KIAA1549L: variants seen among roughly 807,000 people sequenced by gnomAD.
The protein encoded by KIAA1549L is KIAA1549 like.
In KIAA1549L, 88 loss-of-function variants were observed where a neutral mutation model predicts 160.7. The ratio of observed to expected loss-of-function variants is 0.55; its 90% CI spans 0.46 to 0.65. KIAA1549L has a LOEUF of 0.65. Among genes scored for constraint, KIAA1549L ranks in the 30% least tolerant of loss-of-function variants. KIAA1549L has a pLI of 0.00. For missense variants in KIAA1549L, 2,258 were observed against 2,437.5 expected (o/e 0.93, Z 1.55); for synonymous variants, 950 against 976.7 (o/e 0.97, Z 0.51).
chr11:33,448,833 T>C (rs1851666720), intron 1 of KIAA1549L, among the ~76,000 whole-genome samples: 1 of 152,186 alleles, frequency 6.6e-6, no homozygotes, highest in Non-Finnish European at 1.5e-5. Context: ...AATCTGAAAG[T>C]ATGAACACAG....
chr11:33,502,417 G>A lies in KIAA1549L; in HGVS notation c.239-39385G>A, dbSNP rs558655635. On this transcript the variant is annotated intron_variant, in intron 1 of 20. Transcript: ENST00000658780. Reference sequence around the variant, plus strand: ...TATTTTTCCTCTGTGGAAAAGAAACGTGGTGATATTTGAACTGGCTTCTCC... The same window carrying A: ...TATTTTTCCTCTGTGGAAAAGAAACATGGTGATATTTGAACTGGCTTCTCC... Among the ~76,000 whole-genome samples the A allele has an allele frequency of 7.9e-5, 12 of 152,310 alleles. No homozygotes were observed. In the East Asian group the frequency reaches 9.7e-4, roughly 12 times the overall value.
At chr11:33,427,924 C>T (rs1231800263) in intron 1 of KIAA1549L, among the ~76,000 whole-genome samples, 1 of 152,194 alleles carries the variant, frequency 6.6e-6, no homozygotes, top group Non-Finnish European at 1.5e-5. Flanking sequence ...AAGGTTCATC[C>T]ATGTTGTAGC....
At chr11:33,612,153 A>T (rs1359803126) in intron 15 of KIAA1549L, among the ~76,000 whole-genome samples, 2 of 152,262 alleles carry the variant, frequency 1.3e-5, no homozygotes, top group Non-Finnish European at 2.9e-5. Context: ...AGAGAGGATC[A>T]GCCAGAGATG....
chr11:33,435,798 A>ATATATATGTGTGTG (rs1565135875), intron 1 of KIAA1549L, among the ~76,000 whole-genome samples: 4 of 7,622 alleles, frequency 5.2e-4, no homozygotes, highest in Non-Finnish European at 8.1e-4. Context: ...ATATATATAT[A>ATATATATGTGTGTG]TATATATATA....
At chr11:33,431,246 C>T (rs1043057297) in intron 1 of KIAA1549L, among the ~76,000 whole-genome samples, 5 of 152,080 alleles carry the variant, frequency 3.3e-5, no homozygotes, top group Non-Finnish European at 7.4e-5. Flanking sequence ...TTGCAAAGAG[C>T]GAAAGAGCAA....
chr11:33,413,256 A>ATT lies in KIAA1549L; in HGVS notation c.238+36381_238+36382dup, dbSNP rs35296412. ...ACTTCCCAAACTTATTTGAACACAG[A>ATT]TTTTTTTTTTTTTTTAAATCAAGAA... On this transcript the variant is annotated intron_variant, in intron 1 of 20. Coordinates refer to ENST00000658780, the MANE Select transcript of KIAA1549L (RefSeq NM_012194.3). Among the ~76,000 whole-genome samples, 648 of 145,154 alleles carry ATT rather than the reference A, an allele frequency of 4.5e-3. 4 individuals are homozygous for ATT. The highest frequency in any genetic ancestry group is 0.013 in the African/African-American group (523 of 39,366).
chr11:33,520,416 A>G (rs1853453873), intron 1 of KIAA1549L, among the ~76,000 whole-genome samples: 1 of 151,932 alleles, frequency 6.6e-6, no homozygotes, highest in Admixed American at 6.6e-5. Flanking sequence ...TATTTCACTT[A>G]ACATAATGCC....
chr11:33,460,726 A>G (rs1195472261), intron 1 of KIAA1549L, among the ~76,000 whole-genome samples: 1 of 152,114 alleles, frequency 6.6e-6, no homozygotes, highest in Non-Finnish European at 1.5e-5. Context: ...TCCTTTACCT[A>G]TGTGCTTCTG....
intron 1 of KIAA1549L, among the ~76,000 whole-genome samples, chr11:33,521,120 A>G (rs1268835927): frequency 1.3e-5 from 2 of 152,160 alleles, no homozygotes; most frequent in East Asian, 3.9e-4. Context: ...GCAGTGAACT[A>G]TGATCTCGCC....
chr11:33,603,545 G>A (rs145474199), intron 13 of KIAA1549L, among the ~76,000 whole-genome samples: 69 of 152,290 alleles, frequency 4.5e-4, no homozygotes, highest in African/African-American at 1.4e-3. Context: ...GATGGCTCAC[G>A]CCTGTAATCC....
At chr11:33,596,744 A>G (rs1308932371) in intron 12 of KIAA1549L, among the ~76,000 whole-genome samples, 2 of 152,228 alleles carry the variant, frequency 1.3e-5, no homozygotes, top group African/African-American at 4.8e-5. Context: ...CAAAAACTCA[A>G]TCAGTCATTC....
intron 1 of KIAA1549L, among the ~76,000 whole-genome samples, chr11:33,497,071 C>T (rs1024939284): frequency 6.6e-5 from 10 of 152,092 alleles, no homozygotes; most frequent in African/African-American, 1.9e-4. Context: ...GTCACCTCTT[C>T]GAGAAGCCTT....
chr11:33,525,695 C>A (rs1317737245), intron 1 of KIAA1549L, among the ~76,000 whole-genome samples: 1 of 152,032 alleles, frequency 6.6e-6, no homozygotes, highest in African/African-American at 2.4e-5. Context: ...CACTTGCTTT[C>A]TTGGTGGAGA....
Position 33,541,866 on chromosome 11 carries a change from A to C in KIAA1549L, c.303A>C (p.Leu101Phe), listed in dbSNP as rs1230881355. ...AGTCATTTCCTCCCGGGAAATTGTTACCAATTTCACCAACATGGCCTTTCA... is the reference window on the plus strand; with the variant it reads ...AGTCATTTCCTCCCGGGAAATTGTTCCCAATTTCACCAACATGGCCTTTCA... ...TPESFPPGKL[L>F]PISPTWPFTE... Residue 101 changes from leucine to phenylalanine, a missense_variant, in exon 2 of 21, where the codon TTA becomes TTC. Physicochemically the swap from Leu to Phe is conservative, Grantham distance 22. Transcript: ENST00000658780. 4 of 266,008 alleles carry C rather than the reference A, an allele frequency of 1.5e-5. No individual in the cohort carries two copies. The highest frequency in any genetic ancestry group is 1.3e-4 in the Admixed American group (3 of 23,436). 16.5% of individuals were successfully genotyped at this position (266,008 alleles called of 1,614,324 possible).
chr11:33,379,666 A>G (rs1332959701), intron 1 of KIAA1549L, among the ~76,000 whole-genome samples: 1 of 152,174 alleles, frequency 6.6e-6, no homozygotes. Context: ...ACGGGCAGCT[A>G]CTCAATGTGA....
Position 33,645,988 on chromosome 11 carries a change from G to T in KIAA1549L, c.5712G>T (p.Trp1904Cys). ...TMTRPRAGVQWVPTYRPEMYQ... is the reference protein window; with the variant it reads ...TMTRPRAGVQCVPTYRPEMYQ... ...CGCGGCCCAGGGCCGGGGTGCAGTG[G>T]GTGCCGACCTACCGCCCAGAAATGT... Residue 1904 changes from tryptophan to cysteine, a missense_variant, in exon 17 of 21, where the codon TGG (tryptophan) becomes TGT (cysteine). This residue lies in a region of KIAA1549L where 1,359 missense variants were observed against 1,546.6 expected (regional missense o/e 0.88). Coordinates refer to ENST00000658780, the MANE Select transcript of KIAA1549L (RefSeq NM_012194.3). 1 of 1,608,646 alleles carries T rather than the reference G, an allele frequency of 6.2e-7. No individual in the cohort carries two copies. Among genetic ancestry groups the T allele is most frequent in the Non-Finnish European group, 8.5e-7 (1 of 1,177,610 alleles).
In KIAA1549L at chr11:33,594,664, T is replaced by C. The variant is rs77557960; in HGVS notation, c.4751+3243T>C. ...GTCCTCTTGGATAAAGCAAGTCTCA[T>C]GGTCAAGTCCAGACTCAGCATGAGA... is the stretch of plus-strand genomic sequence containing the variant. On this transcript the variant is annotated intron_variant, in intron 12 of 20. Transcript: ENST00000658780. 1.8e-4 allele frequency among the ~76,000 whole-genome samples: 28 copies of C among 152,348 alleles called. No individual in the cohort carries two copies. In the East Asian group the frequency reaches 5.0e-3, roughly 27 times the overall value.
chr11:33,498,887 A>G (rs1852880417), intron 1 of KIAA1549L, among the ~76,000 whole-genome samples: 1 of 152,174 alleles, frequency 6.6e-6, no homozygotes, highest in African/African-American at 2.4e-5. Context: ...TCTGGTCCCT[A>G]GATTTCTTCT....
chr11:33,448,095 G>C (rs966419341), intron 1 of KIAA1549L, among the ~76,000 whole-genome samples: 1 of 152,018 alleles, frequency 6.6e-6, no homozygotes, highest in Admixed American at 6.6e-5. Context: ...AAAATTTTAA[G>C]TTTTACTTTA....
Sources: gnomAD v4.1 joint callset for allele counts (sites outside exome capture counted in the v4.1 genomes callset) on GRCh38, gnomAD v4.1.1 for gene constraint, gnomAD v4.1.1 regional missense constraint, MANE v1.5 for transcripts, NCBI Gene and HGNC (gene_info 2026-07-23, HGNC 2026-07-21) for gene names.